Variants in SLC36A1 observed in about 807,000 individuals in gnomAD.
SLC36A1 encodes proton-coupled amino acid transporter 1.
SLC36A1 carries 30 observed loss-of-function variants against 47.5 expected under a neutral mutation model. The observed-to-expected ratio is 0.63, with a 90% CI of 0.47 to 0.86. SLC36A1 has a LOEUF of 0.86. SLC36A1 is among the 40% of genes least tolerant of loss of function. The probability of loss-of-function intolerance (pLI) is 0.00; values close to 1 mark genes in which losing one functional copy is unlikely to be tolerated. For missense variants in SLC36A1, 517 were observed against 606.0 expected, an observed-to-expected ratio of 0.85 and a Z score of 1.54; for synonymous variants, 255 against 249.7, an observed-to-expected ratio of 1.02 and a Z score of -0.20.
the SLC36A1 span, among the ~76,000 whole-genome samples, chr5:151,430,368 A>G: frequency 7.2e-6 from 1 of 138,518 alleles, no homozygotes; most frequent in Non-Finnish European, 1.5e-5. Context: ...TCACTCAGTC[A>G]CCCAGGCTGC....
At chr5:151,454,837 C>T (rs1045349356) in intron 1 of SLC36A1, among the ~76,000 whole-genome samples, 45 of 151,868 alleles carry the variant, frequency 3.0e-4, no homozygotes, top group Admixed American at 2.3e-3. Context: ...CTCAGCCTCC[C>T]GAGTAGCTGG....
chr5:151,355,572 C>T, the SLC36A1 span, among the ~76,000 whole-genome samples: 1 of 152,120 alleles, frequency 6.6e-6, no homozygotes, highest in Non-Finnish European at 1.5e-5. Flanking sequence ...TGGAGACAAC[C>T]TGCATGTACC....
the SLC36A1 span, among the ~76,000 whole-genome samples, chr5:151,518,374 A>AATAATTATTATTATTATT: frequency 2.6e-4 from 39 of 147,412 alleles, no homozygotes; most frequent in African/African-American, 6.9e-4. Context: ...TAATAATAAT[A>AATAATTATTATTATTATT]ATTTTTAAAA....
At chr5:151,373,320 T>C in the SLC36A1 span, among the ~76,000 whole-genome samples, 21,778 of 150,740 alleles carry the variant, frequency 0.14, 1,937 homozygotes, top group East Asian at 0.38. Context: ...ACCAACACAA[T>C]ACACACACAC....
chr5:151,407,653 C>T, the SLC36A1 span, among the ~76,000 whole-genome samples: 2 of 152,230 alleles, frequency 1.3e-5, no homozygotes, highest in Non-Finnish European at 2.9e-5. Flanking sequence ...ATTAGGGCCA[C>T]ACAAGCATTT....
intron 10 of SLC36A1, among the ~76,000 whole-genome samples, chr5:151,485,494 C>T (rs1759392477): frequency 6.6e-6 from 1 of 152,156 alleles, no homozygotes; most frequent in South Asian, 2.1e-4. Flanking sequence ...GCCTGGGTAT[C>T]TACCTCTCAT....
chr5:151,435,121 C>T (rs908639328), upstream of SLC36A1, among the ~76,000 whole-genome samples: 1 of 152,144 alleles, frequency 6.6e-6, no homozygotes, highest in African/African-American at 2.4e-5. Context: ...TATCTGGACA[C>T]TTTATAGTGA....
the SLC36A1 span, among the ~76,000 whole-genome samples, chr5:151,389,850 A>C: frequency 2.0e-5 from 3 of 151,968 alleles, no homozygotes; most frequent in Non-Finnish European, 4.4e-5. Context: ...GGTATTGTGA[A>C]TAGTGCCGCA....
the SLC36A1 span, among the ~76,000 whole-genome samples, chr5:151,529,693 A>T: frequency 1.3e-5 from 2 of 152,132 alleles, no homozygotes; most frequent in African/African-American, 4.8e-5. Flanking sequence ...ATCTATAAAA[A>T]CCCTGTGGAG....
chr5:151,512,935 C>T, the SLC36A1 span, among the ~76,000 whole-genome samples: 1 of 152,224 alleles, frequency 6.6e-6, no homozygotes. The surrounding 1 kb of genome is among the most constrained non-coding windows in gnomAD (Gnocchi z 4.1). Flanking sequence ...GAGTTCCACA[C>T]TTGTGAATAT....
chr5:151,352,909 A>G, the SLC36A1 span, among the ~76,000 whole-genome samples: 4 of 152,250 alleles, frequency 2.6e-5, no homozygotes, highest in Admixed American at 2.6e-4. Context: ...ATTTAAACCC[A>G]GCAAGGGCTG....
intron 10 of SLC36A1, among the ~76,000 whole-genome samples, chr5:151,483,985 TCTTATATAG>T (rs780521800): frequency 9.8e-5 from 15 of 152,348 alleles, no homozygotes; most frequent in Admixed American, 2.6e-4. Context: ...GGCATGTTTA[TCTTATATAG>T]TGGTGAAAAC....
intron 9 of SLC36A1, among the ~76,000 whole-genome samples, chr5:151,478,205 T>G (rs1561776584): frequency 6.6e-6 from 1 of 152,190 alleles, no homozygotes; most frequent in Non-Finnish European, 1.5e-5. Context: ...ACACAGTCTG[T>G]ATTAGCACAT....
At chr5:151,413,602 T>A in the SLC36A1 span, among the ~76,000 whole-genome samples, 1 of 152,110 alleles carries the variant, frequency 6.6e-6, no homozygotes, top group African/African-American at 2.4e-5. Flanking sequence ...CACATAACTT[T>A]TAATGTGTGT....
the SLC36A1 span, among the ~76,000 whole-genome samples, chr5:151,541,396 G>A: frequency 2.0e-5 from 3 of 152,172 alleles, no homozygotes; most frequent in African/African-American, 7.2e-5. Flanking sequence ...GTGTTTTTAG[G>A]AGTCTGATAT....
the SLC36A1 span, among the ~76,000 whole-genome samples, chr5:151,370,225 C>T: frequency 6.6e-6 from 1 of 152,222 alleles, no homozygotes; most frequent in Non-Finnish European, 1.5e-5. Flanking sequence ...CTGAGGCAGA[C>T]AGCTTTTCCC....
At chr5:151,494,467 C>A (rs1157862938), downstream of SLC36A1, among the ~76,000 whole-genome samples, 1 of 152,216 alleles carries the variant, frequency 6.6e-6, no homozygotes, top group Non-Finnish European at 1.5e-5. Context: ...CCCATCCTCA[C>A]ACCACTCAGC....
chr5:151,394,768 G>A, the SLC36A1 span, among the ~76,000 whole-genome samples: 1 of 152,168 alleles, frequency 6.6e-6, no homozygotes, highest in Non-Finnish European at 1.5e-5. Flanking sequence ...TGGAAGCTTC[G>A]TCTCAGAGGG....
At chr5:151,353,852 A>G in the SLC36A1 span, among the ~76,000 whole-genome samples, 1 of 152,160 alleles carries the variant, frequency 6.6e-6, no homozygotes, top group African/African-American at 2.4e-5. Context: ...TCACTTAGTA[A>G]TATGCATTTA....
Sources: gnomAD v4.1 joint callset for allele counts (sites outside exome capture counted in the v4.1 genomes callset) on GRCh38, gnomAD v4.1.1 for gene constraint, Gnocchi (gnomAD v3.1) non-coding constraint, MANE v1.5 for transcripts, NCBI Gene and HGNC (gene_info 2026-07-23, HGNC 2026-07-21) for gene names.